TRAPPC9: variants seen among roughly 807,000 people sequenced by gnomAD.
TRAPPC9 encodes IKK2 binding protein.
TRAPPC9 carries 83 observed loss-of-function variants against 124.0 expected under a neutral mutation model. That is an observed-to-expected ratio of 0.67 (90% confidence interval 0.56 to 0.80). TRAPPC9 has a LOEUF of 0.80. Ranked by LOEUF, TRAPPC9 falls within the 30% of genes least tolerant of loss-of-function variation. The pLI is 0.00. For synonymous variants in TRAPPC9, 638 were observed against 617.5 expected, an observed-to-expected ratio of 1.03 and a Z score of -0.49; for missense variants, 1,302 against 1,508.3, an observed-to-expected ratio of 0.86 and a Z score of 2.27.
At position 139,742,424 on chromosome 8, in the gene TRAPPC9, T is replaced by C. The variant is rs1818626272; in HGVS notation, c.3056-10222A>G. 6.6e-6 allele frequency among the ~76,000 whole-genome samples: 1 copy of C among 152,124 alleles called. No homozygotes were observed. Among genetic ancestry groups the C allele is most frequent in the Admixed American group, 6.5e-5 (1 of 15,278 alleles). On this transcript the variant is annotated intron_variant, in intron 21 of 22. Coordinates refer to ENST00000438773, the MANE Select transcript of TRAPPC9 (RefSeq NM_001160372.4). This position sits in a 1 kb window ranked among gnomAD's most constrained non-coding sequence, Gnocchi z 4.7. ...CCTCCAGAACTCCAAGCCCTTGACC[T>C]CCATATTTCAGGAGTTTCTCACATT...
intron 21 of TRAPPC9, among the ~76,000 whole-genome samples, chr8:139,748,865 G>C (rs905424027): frequency 1.3e-5 from 2 of 152,150 alleles, no homozygotes; most frequent in African/African-American, 4.8e-5. Flanking sequence ...AGCAGGGCCT[G>C]TGTGTATGGG....
At chr8:140,188,811 C>T (rs1341449244) in intron 17 of TRAPPC9, among the ~76,000 whole-genome samples, 2 of 152,204 alleles carry the variant, frequency 1.3e-5, no homozygotes, top group African/African-American at 4.8e-5. Flanking sequence ...AATTTGACCA[C>T]TATCCACAGC....
intron 21 of TRAPPC9, among the ~76,000 whole-genome samples, chr8:139,799,411 C>T (rs1304017831): frequency 3.9e-5 from 6 of 152,166 alleles, no homozygotes; most frequent in Non-Finnish European, 8.8e-5. Flanking sequence ...TTTCCACTGA[C>T]CACACTGCTT....
rs1821374591 is a variant in TRAPPC9, at chr8:139,776,322, AGCT to A, written c.3056-44123_3056-44121del. On this transcript the variant is annotated intron_variant, in intron 21 of 22. Coordinates refer to ENST00000438773, the MANE Select transcript of TRAPPC9 (RefSeq NM_001160372.4). This position sits in a 1 kb window ranked among gnomAD's most constrained non-coding sequence, Gnocchi z 4.1. The stretch of plus-strand genomic sequence containing the variant: ...CCAACAGGCCCAAACAGGGGACGTC[AGCT>A]GCTATGTGACGTCATCTCACTCGTC... Among the ~76,000 whole-genome samples the A allele has an allele frequency of 6.6e-6, 1 of 152,228 alleles. No homozygotes were observed. Among genetic ancestry groups the A allele is most frequent in the African/African-American group, 2.4e-5 (1 of 41,462 alleles).
intron 17 of TRAPPC9, among the ~76,000 whole-genome samples, chr8:140,151,869 C>G (rs1019944891): frequency 1.8e-4 from 28 of 152,186 alleles, no homozygotes; most frequent in Admixed American, 1.8e-3. Flanking sequence ...AACCCTAGTT[C>G]TCTCTCCTAC....
At chr8:139,774,608 A>T (rs1223140663) in intron 21 of TRAPPC9, among the ~76,000 whole-genome samples, 1 of 152,130 alleles carries the variant, frequency 6.6e-6, no homozygotes, top group African/African-American at 2.4e-5. Flanking sequence ...GCACAGTGCG[A>T]TGTTTCCTCG....
chr8:139,770,553 G>A (rs75879285), intron 21 of TRAPPC9, among the ~76,000 whole-genome samples: 1,593 of 152,310 alleles, frequency 0.01, 28 homozygotes, highest in African/African-American at 0.036. Flanking sequence ...CTGTGACATC[G>A]TGAAACTGCG....
chr8:139,915,508 A>G (rs1054661530), intron 19 of TRAPPC9, among the ~76,000 whole-genome samples: 32 of 152,132 alleles, frequency 2.1e-4, no homozygotes, highest in Non-Finnish European at 3.8e-4. Context: ...CGGCCTCCCA[A>G]AATACTGGGG....
At chr8:140,010,756 T>G (rs924134030) in intron 18 of TRAPPC9, among the ~76,000 whole-genome samples, 1 of 152,180 alleles carries the variant, frequency 6.6e-6, no homozygotes, top group Admixed American at 6.5e-5. Flanking sequence ...GGAGGAAGAT[T>G]CCATATTAAA....
Position 139,788,782 on chromosome 8 carries a change from AC to A in TRAPPC9, c.3056-56581del, listed in dbSNP as rs1256827935. ...ACACAAAGTCAACTCACTGTGACCC[AC>A]AAATCACACAACACCCTGGGCCAGC... On this transcript the variant is annotated intron_variant, in intron 21 of 22. Transcript: ENST00000438773. This position sits in a 1 kb window ranked among gnomAD's most constrained non-coding sequence, Gnocchi z 4.9. Among the ~76,000 whole-genome samples, 1 of 152,216 alleles carries A rather than the reference AC, an allele frequency of 6.6e-6. No homozygotes were observed. Among genetic ancestry groups the A allele is most frequent in the Non-Finnish European group, 1.5e-5 (1 of 68,038 alleles).
intron 17 of TRAPPC9, among the ~76,000 whole-genome samples, chr8:140,152,590 G>A (rs1050090715): frequency 1.1e-4 from 16 of 151,166 alleles, no homozygotes; most frequent in African/African-American, 1.5e-4. Context: ...GGATGGTCTC[G>A]ATCTCCTGAC....
intron 17 of TRAPPC9, among the ~76,000 whole-genome samples, chr8:140,202,434 A>G (rs2062814131): frequency 1.3e-5 from 2 of 152,198 alleles, no homozygotes; most frequent in African/African-American, 4.8e-5. Flanking sequence ...AAAAAGTAGC[A>G]TCTTGTTTCT....
upstream of TRAPPC9, among the ~76,000 whole-genome samples, chr8:140,458,082 G>A (rs906644027): frequency 1.5e-5 from 2 of 134,448 alleles, no homozygotes; most frequent in Admixed American, 1.5e-4. Context: ...GGGACAGGGA[G>A]AGGGTGGAGG....
At chr8:139,814,722 G>A (rs1563834818) in intron 21 of TRAPPC9, among the ~76,000 whole-genome samples, 1 of 151,434 alleles carries the variant, frequency 6.6e-6, no homozygotes, top group Non-Finnish European at 1.5e-5. Flanking sequence ...AGAAAGGAAA[G>A]GAAAGGAAAA....
At position 140,192,095 on chromosome 8, in the gene TRAPPC9, T is replaced by C. The variant is rs377035243; in HGVS notation, c.2556+29364A>G. ...TTATAAATGTTAACATCTTGAAGCT[T>C]TGGTTAAGCAAAAGACTCTAAATCA... On this transcript the variant is annotated intron_variant, in intron 17 of 22. Coordinates refer to ENST00000438773, the MANE Select transcript of TRAPPC9 (RefSeq NM_001160372.4). Among the ~76,000 whole-genome samples, 7 of 152,288 alleles carry C rather than the reference T, an allele frequency of 4.6e-5. No homozygotes were observed. The East Asian group carries it at 1.2e-3, about 25-fold the overall frequency.
chr8:139,849,982 A>C lies in TRAPPC9; in HGVS notation c.3055+35897T>G, dbSNP rs984565937. Among the ~76,000 whole-genome samples, 30 of 151,896 alleles carry C rather than the reference A, an allele frequency of 2.0e-4. 1 individual carries two copies. The highest frequency in any genetic ancestry group is 3.2e-4 in the Non-Finnish European group (22 of 67,956). On this transcript the variant is annotated intron_variant, in intron 21 of 22. Transcript: ENST00000438773. ...CTCTTATCCTCCTTGTCCACCAGTG[A>C]CCAGACCTCCCAGGGGCTCTCTGCT...
At chr8:139,925,161 G>A (rs769693951) in intron 19 of TRAPPC9, among the ~76,000 whole-genome samples, 7 of 152,218 alleles carry the variant, frequency 4.6e-5, no homozygotes, top group African/African-American at 7.2e-5. Flanking sequence ...GAATGAGCTC[G>A]CCCACGGGGT....
chr8:140,272,116 A>AATGGTGATGGTGGCGATGGCG (rs2064922069), intron 15 of TRAPPC9, among the ~76,000 whole-genome samples: 2 of 120,228 alleles, frequency 1.7e-5, no homozygotes, highest in South Asian at 3.0e-4. Context: ...TGGTGGTGGC[A>AATGGTGATGGTGGCGATGGCG]ATGGTGATGG....
At chr8:140,230,990 G>A (rs2063578103) in intron 16 of TRAPPC9, among the ~76,000 whole-genome samples, 1 of 152,152 alleles carries the variant, frequency 6.6e-6, no homozygotes, top group African/African-American at 2.4e-5. Context: ...GGATCTGGGC[G>A]CTTACAACAG....
Sources: gnomAD v4.1 joint callset for allele counts (sites outside exome capture counted in the v4.1 genomes callset) on GRCh38, gnomAD v4.1.1 for gene constraint, Gnocchi (gnomAD v3.1) non-coding constraint, MANE v1.5 for transcripts, NCBI Gene and HGNC (gene_info 2026-07-23, HGNC 2026-07-21) for gene names.